Variants in PTPN11 observed in about 807,000 individuals in gnomAD.
PTPN11 encodes the protein protein tyrosine phosphatase non-receptor type 11.
Under a neutral mutation model 78.8 loss-of-function variants are expected in PTPN11, and 6 were observed. The observed-to-expected ratio is 0.08, with a 90% CI of 0.04 to 0.15. The LOEUF (loss-of-function observed/expected upper bound fraction) is 0.15, where lower values mean the gene tolerates loss of function less well. Among genes scored for constraint, PTPN11 ranks in the 10% least tolerant of loss-of-function variants. PTPN11 has a pLI of 1.00. For synonymous variants in PTPN11, 221 were observed against 263.5 expected, an observed-to-expected ratio of 0.84 and a Z score of 1.56; for missense variants, 386 against 744.8, an observed-to-expected ratio of 0.52 and a Z score of 5.61.
intron 6 of PTPN11, among the ~76,000 whole-genome samples, chr12:112,459,777 A>G (rs1420479276): frequency 6.6e-6 from 1 of 151,774 alleles, no homozygotes; most frequent in Non-Finnish European, 1.5e-5. Flanking sequence ...CTTGAAGCAA[A>G]TCTTAACACA....
chr12:112,467,604 C>T (rs1466252847), intron 6 of PTPN11, among the ~76,000 whole-genome samples: 2 of 152,178 alleles, frequency 1.3e-5, no homozygotes, highest in Non-Finnish European at 2.9e-5. Flanking sequence ...AAGCAATTCT[C>T]CTGCCTCAGC....
At position 112,488,493 on chromosome 12, in the gene PTPN11, A is replaced by G. The variant is rs2135915149; in HGVS notation, c.1430A>G (p.Asp477Gly). The change falls in exon 12 of 16, where the codon GAC becomes GGC. Residue 477 changes from aspartate (D) to glycine (G), a missense_variant. Physicochemically the swap from Asp to Gly is moderately conservative, Grantham distance 94. This residue lies in a region of PTPN11 where 63 missense variants were observed against 182.2 expected (regional missense o/e 0.35). Transcript: ENST00000351677. The stretch of plus-strand genomic sequence containing the variant: ...TTCATTGTGATTGATATTCTTATTG[A>G]CATCATCAGAGAGAAAGGTGGGTCA... ...GTFIVIDILI[D>G]IIREKGVDCD... 1.2e-6 allele frequency: 2 copies of G among 1,611,860 alleles called. No individual in the cohort carries two copies. The highest frequency in any genetic ancestry group is 1.7e-6 in the Non-Finnish European group (2 of 1,177,988).
chr12:112,492,076 G>T (rs2135919939), intron 13 of PTPN11, among the ~76,000 whole-genome samples: 1 of 152,284 alleles, frequency 6.6e-6, no homozygotes, highest in South Asian at 2.1e-4. Context: ...TCATGACCTG[G>T]ATGTTTTTGA....
intron 1 of PTPN11, among the ~76,000 whole-genome samples, chr12:112,421,728 A>T (rs922943640): frequency 6.6e-6 from 1 of 152,118 alleles, no homozygotes; most frequent in Non-Finnish European, 1.5e-5. Context: ...CCTAGGCTCA[A>T]TCCATCCCCC....
intron 13 of PTPN11, among the ~76,000 whole-genome samples, chr12:112,491,271 TG>T (rs1274464712): frequency 5.1e-4 from 73 of 142,236 alleles, no homozygotes; most frequent in Non-Finnish European, 7.5e-5. Flanking sequence ...ACTACAGTAG[TG>T]AAAAAAAAAA....
chr12:112,462,189 C>T (rs948430618), intron 6 of PTPN11, among the ~76,000 whole-genome samples: 1 of 152,066 alleles, frequency 6.6e-6, no homozygotes, highest in African/African-American at 2.4e-5. Context: ...GAGACCCTGT[C>T]TCTACAAAAG....
intron 6 of PTPN11, among the ~76,000 whole-genome samples, chr12:112,472,532 CCTT>C (rs1478439422): frequency 2.0e-5 from 3 of 151,596 alleles, no homozygotes; most frequent in Non-Finnish European, 4.4e-5. Flanking sequence ...TTCAGATGAA[CCTT>C]CTTTTTTTTT....
intron 13 of PTPN11, among the ~76,000 whole-genome samples, chr12:112,500,695 G>A (rs1224298580): frequency 2.0e-5 from 3 of 152,106 alleles, no homozygotes; most frequent in African/African-American, 7.2e-5. Context: ...AGGTTCAAGC[G>A]ATTCTCATGC....
chr12:112,427,774 C>T, intron 1 of PTPN11, among the ~76,000 whole-genome samples: 1 of 151,280 alleles, frequency 6.6e-6, no homozygotes, highest in Non-Finnish European at 1.5e-5. Flanking sequence ...TTTTTTGAGA[C>T]AAGGTCTTGC....
chr12:112,449,117 C>T (rs2135859793), intron 2 of PTPN11, among the ~76,000 whole-genome samples: 1 of 151,216 alleles, frequency 6.6e-6, no homozygotes. Context: ...GGTCTGCTGA[C>T]CTCAGGTGAT....
At chr12:112,494,634 C>G (rs1345226781) in intron 13 of PTPN11, among the ~76,000 whole-genome samples, 1 of 152,174 alleles carries the variant, frequency 6.6e-6, no homozygotes, top group Non-Finnish European at 1.5e-5. Context: ...GAACCTGATT[C>G]CTTTTAGTGA....
intron 1 of PTPN11, among the ~76,000 whole-genome samples, chr12:112,431,381 C>G (rs2037709587): frequency 6.6e-6 from 1 of 152,098 alleles, no homozygotes; most frequent in South Asian, 2.1e-4. Context: ...GGGGACAGAG[C>G]GAGACCCTAT....
Position 112,477,643 on chromosome 12 carries a change from T to C in PTPN11, c.854-8T>C, listed in dbSNP as rs750381698. 2.5e-6 allele frequency: 4 copies of C among 1,607,464 alleles called. No homozygotes were observed. Among genetic ancestry groups the C allele is most frequent in the Non-Finnish European group, 3.4e-6 (4 of 1,175,310 alleles). On this transcript the variant is annotated splice_region_variant and splice_polypyrimidine_tract_variant and intron_variant, in intron 7 of 15. Coordinates refer to ENST00000351677, the MANE Select transcript of PTPN11 (RefSeq NM_002834.5). The stretch of plus-strand genomic sequence containing the variant: ...GACTTATGTGACCGTGGTCTCTTTT[T>C]CTTCTAGTTGATCATACCAGGGTTG...
chr12:112,487,133 CTT>C (rs1215555696), intron 11 of PTPN11, among the ~76,000 whole-genome samples: 2 of 139,134 alleles, frequency 1.4e-5, no homozygotes, highest in African/African-American at 5.5e-5. Flanking sequence ...CTCTCTCTCT[CTT>C]TTTTTTTTTT....
chr12:112,472,198 G>T (rs1189031866), intron 6 of PTPN11, among the ~76,000 whole-genome samples: 1 of 152,022 alleles, frequency 6.6e-6, no homozygotes, highest in Non-Finnish European at 1.5e-5. Context: ...TTGTTGCCCA[G>T]GCTGGTCTTG....
chr12:112,425,013 T>TGTGTGG (rs2037593813), intron 1 of PTPN11, among the ~76,000 whole-genome samples: 1 of 142,154 alleles, frequency 7.0e-6, no homozygotes, highest in Admixed American at 7.3e-5. Flanking sequence ...TGTGTGTATG[T>TGTGTGG]AGAGATGGGG....
chr12:112,436,609 A>G (rs2037795334), intron 1 of PTPN11, among the ~76,000 whole-genome samples: 1 of 152,176 alleles, frequency 6.6e-6, no homozygotes, highest in Non-Finnish European at 1.5e-5. Context: ...GTTGAAAAAC[A>G]TGAGTAAGTG....
intron 9 of PTPN11, among the ~76,000 whole-genome samples, chr12:112,481,738 C>T (rs990781445): frequency 3.3e-5 from 5 of 152,124 alleles, no homozygotes; most frequent in African/African-American, 1.2e-4. Flanking sequence ...GTGATCTGCC[C>T]GCCTCGGCCA....
intron 6 of PTPN11, among the ~76,000 whole-genome samples, chr12:112,471,546 CT>C (rs1218448825): frequency 6.6e-6 from 1 of 150,684 alleles, no homozygotes; most frequent in Non-Finnish European, 1.5e-5. Context: ...TAGATCACAG[CT>C]GTTATTTGTA....
Sources: allele counts gnomAD v4.1 joint callset (sites outside exome capture counted in the v4.1 genomes callset), GRCh38; gene constraint gnomAD v4.1.1; regional missense constraint gnomAD v4.1.1; transcripts MANE v1.5; gene names NCBI Gene and HGNC (gene_info 2026-07-23, HGNC 2026-07-21).